GRM7: variants seen among roughly 807,000 people sequenced by gnomAD.
GRM7 encodes glutamate metabotropic receptor 7, also known as metabotropic glutamate receptor 7.
In GRM7, 35 loss-of-function variants were observed where a neutral mutation model predicts 84.5. That is an observed-to-expected ratio of 0.41 (90% CI 0.32 to 0.55). The LOEUF (loss-of-function observed/expected upper bound fraction) is 0.55, where lower values mean the gene tolerates loss of function less well. Ranked by LOEUF, GRM7 falls within the 20% of genes least tolerant of loss-of-function variation. GRM7 has a pLI of 0.19. For missense variants in GRM7, 1,003 were observed against 1,194.6 expected (o/e 0.84, Z 2.36); for synonymous variants, 487 against 455.1 (o/e 1.07, Z -0.89).
chr3:7,577,179 T>G (rs149191164), intron 7 of GRM7, among the ~76,000 whole-genome samples: 1 of 152,324 alleles, frequency 6.6e-6, no homozygotes, highest in Non-Finnish European at 1.5e-5. Context: ...ACCCAATATC[T>G]GTGGCTAGGA....
At chr3:7,098,293 T>A (rs1475548170) in intron 1 of GRM7, among the ~76,000 whole-genome samples, 1 of 152,046 alleles carries the variant, frequency 6.6e-6, no homozygotes, top group African/African-American at 2.4e-5. Flanking sequence ...TCCTTGCATG[T>A]TAAAGTATTT....
At chr3:7,143,468 G>A (rs553665482) in intron 1 of GRM7, among the ~76,000 whole-genome samples, 1 of 152,050 alleles carries the variant, frequency 6.6e-6, no homozygotes, top group South Asian at 2.1e-4. Context: ...TGGATAGAGG[G>A]TATACACATG....
At chr3:7,604,053 A>G (rs1374359855) in intron 8 of GRM7, among the ~76,000 whole-genome samples, 2 of 152,006 alleles carry the variant, frequency 1.3e-5, no homozygotes, top group African/African-American at 2.4e-5. Context: ...CATTACTGTA[A>G]ATTAGTCGCA....
At chr3:7,517,175 C>T (rs1700422363) in intron 7 of GRM7, among the ~76,000 whole-genome samples, 1 of 152,182 alleles carries the variant, frequency 6.6e-6, no homozygotes, top group African/African-American at 2.4e-5. Flanking sequence ...TGTCCTGTTT[C>T]CTCTCCTCCT....
chr3:7,312,518 G>T (rs375214240), intron 4 of GRM7, among the ~76,000 whole-genome samples: 2 of 152,286 alleles, frequency 1.3e-5, no homozygotes, highest in African/African-American at 4.8e-5. Flanking sequence ...CCTGCAGACT[G>T]TAGCTTGGTG....
At chr3:7,445,129 C>G (rs980932068) in intron 5 of GRM7, among the ~76,000 whole-genome samples, 1 of 152,144 alleles carries the variant, frequency 6.6e-6, no homozygotes, top group Non-Finnish European at 1.5e-5. Context: ...CAAAACCATC[C>G]ATTTCCTCCT....
chr3:7,501,079 T>G (rs1699868033), intron 7 of GRM7, among the ~76,000 whole-genome samples: 1 of 152,228 alleles, frequency 6.6e-6, no homozygotes, highest in Non-Finnish European at 1.5e-5. Flanking sequence ...ACAGCTGATC[T>G]TTATTGACTA....
At chr3:7,206,514 G>C (rs1378833188) in intron 2 of GRM7, among the ~76,000 whole-genome samples, 1 of 152,112 alleles carries the variant, frequency 6.6e-6, no homozygotes, top group Non-Finnish European at 1.5e-5. Context: ...AATAAAGAAA[G>C]GTCCATGACC....
chr3:7,046,132 C>G (rs1186921250), intron 1 of GRM7, among the ~76,000 whole-genome samples: 1 of 151,982 alleles, frequency 6.6e-6, no homozygotes. Flanking sequence ...ATATTGAATA[C>G]CTTTTCGTAT....
chr3:7,233,847 C>T (rs1559517179), intron 2 of GRM7, among the ~76,000 whole-genome samples: 3 of 152,112 alleles, frequency 2.0e-5, no homozygotes, highest in Admixed American at 2.0e-4. Context: ...CCTTCCCCTC[C>T]CCAACTTTTG....
rs542219614 is a variant in GRM7, at chr3:6,875,223, C to CT, written c.519+13329dup. On this transcript the variant is annotated intron_variant, in intron 1 of 9. Coordinates refer to ENST00000357716, the MANE Select transcript of GRM7 (RefSeq NM_000844.4). The stretch of plus-strand genomic sequence containing the variant: ...TTATCACAGAGGTCTTGGTTCTGCA[C>CT]TTTTTTTTTTTTTAGATTATTTCAT... 2.7e-3 allele frequency among the ~76,000 whole-genome samples: 386 copies of CT among 143,350 alleles called. 1 individual carries two copies. Among genetic ancestry groups the CT allele is most frequent in the African/African-American group, 4.7e-3 (182 of 39,016 alleles). 94.0% of individuals were successfully genotyped at this position (143,350 alleles called of 152,430 possible). A position where few individuals can be genotyped will look rare whatever the true frequency, so the allele number is the denominator to read the frequency against.
chr3:7,276,524 AC>A (rs1358512032), intron 2 of GRM7, among the ~76,000 whole-genome samples: 2 of 151,904 alleles, frequency 1.3e-5, no homozygotes, highest in African/African-American at 2.4e-5. Flanking sequence ...AGGATTTAGT[AC>A]TATAGCATGC....
chr3:6,952,763 C>G (rs1692842692), intron 1 of GRM7, among the ~76,000 whole-genome samples: 1 of 152,038 alleles, frequency 6.6e-6, no homozygotes, highest in Non-Finnish European at 1.5e-5. Context: ...TAAATCCAGC[C>G]CCTATTACTC....
chr3:7,032,665 T>A (rs1559396149), intron 1 of GRM7, among the ~76,000 whole-genome samples: 1 of 152,154 alleles, frequency 6.6e-6, no homozygotes, highest in African/African-American at 2.4e-5. Flanking sequence ...GAGTTTGTCA[T>A]AGGAAGTGAC....
At chr3:7,395,198 T>G (rs1695161517) in intron 4 of GRM7, among the ~76,000 whole-genome samples, 1 of 152,190 alleles carries the variant, frequency 6.6e-6, no homozygotes, top group Non-Finnish European at 1.5e-5. Context: ...CTCCATTTAT[T>G]CTATCAGCCA....
chr3:7,443,320 G>A (rs1575343207), intron 5 of GRM7, among the ~76,000 whole-genome samples: 1 of 152,020 alleles, frequency 6.6e-6, no homozygotes. Flanking sequence ...GCAACTTTAA[G>A]ATATAATTGC....
chr3:7,382,614 A>C (rs918932812), intron 4 of GRM7, among the ~76,000 whole-genome samples: 1 of 152,254 alleles, frequency 6.6e-6, no homozygotes, highest in Non-Finnish European at 1.5e-5. Context: ...AAGACACTTC[A>C]TAAAAGCTTG....
At chr3:7,291,570 C>G (rs578237298) in intron 2 of GRM7, among the ~76,000 whole-genome samples, 2 of 145,048 alleles carry the variant, frequency 1.4e-5, no homozygotes, top group South Asian at 4.5e-4. Flanking sequence ...CTCCGTCTGT[C>G]TATTTTTACC....
At chr3:7,598,657 A>T (rs1215123659) in intron 8 of GRM7, among the ~76,000 whole-genome samples, 1 of 152,194 alleles carries the variant, frequency 6.6e-6, no homozygotes, top group Non-Finnish European at 1.5e-5. Context: ...TTAATTTTTT[A>T]AAAATTGCCA....
Sources: allele counts gnomAD v4.1 joint callset (sites outside exome capture counted in the v4.1 genomes callset), GRCh38; gene constraint gnomAD v4.1.1; transcripts MANE v1.5; gene names NCBI Gene and HGNC (gene_info 2026-07-23, HGNC 2026-07-21).